CBL: variants seen among roughly 807,000 people sequenced by gnomAD.
The protein encoded by CBL is Cbl proto-oncogene, also known as E3 ubiquitin-protein ligase CBL.
In CBL, 45 loss-of-function variants were observed where a neutral mutation model predicts 96.9. The observed-to-expected ratio is 0.46, with a 90% CI of 0.37 to 0.60. The LOEUF (loss-of-function observed/expected upper bound fraction) is 0.60, where lower values mean the gene tolerates loss of function less well. Ranked by LOEUF, CBL falls within the 20% of genes least tolerant of loss-of-function variation. The pLI, the probability that CBL is intolerant of heterozygous loss-of-function variation, is 0.00. For missense variants in CBL, 1,024 were observed against 1,143.5 expected, an observed-to-expected ratio of 0.90 and a Z score of 1.51; for synonymous variants, 420 against 426.8, an observed-to-expected ratio of 0.98 and a Z score of 0.20.
In CBL at chr11:119,304,366, C is replaced by T. The variant is rs1289375864; in HGVS notation, c.*4585C>T. The T allele has an allele frequency of 8.6e-6, 2 of 232,988 alleles. No homozygotes were observed. The highest frequency in any genetic ancestry group is 1.7e-5 in the Non-Finnish European group (2 of 118,036). The allele number at this position is 232,988 out of a possible 1,614,324, so 14.4% of individuals were successfully genotyped here. Reference sequence around the variant, plus strand: ...TGACTGCTTAGGGATTCTTTGGATCCAAGAAACAGAAATGTTCAAGCGGAA... The same window carrying T: ...TGACTGCTTAGGGATTCTTTGGATCTAAGAAACAGAAATGTTCAAGCGGAA... On this transcript the variant is annotated 3_prime_UTR_variant, in exon 16 of 16. Transcript: ENST00000264033.
At position 119,206,385 on chromosome 11, in the gene CBL, C is replaced by T. The variant is rs1342058389; in HGVS notation, c.-33C>T. 10 of 1,465,904 alleles carry T rather than the reference C, an allele frequency of 6.8e-6. No homozygotes were observed. Among genetic ancestry groups the T allele is most frequent in the South Asian group, 1.3e-5 (1 of 77,106 alleles). 90.8% of individuals were successfully genotyped at this position (1,465,904 alleles called of 1,614,324 possible). ...CTCGCTCGCAGTCGAGCCGAGCCGG[C>T]GGACCCGCCTGGGCTCCGACCCTGC... On this transcript the variant is annotated 5_prime_UTR_variant, in exon 1 of 16. Coordinates refer to ENST00000264033, the MANE Select transcript of CBL (RefSeq NM_005188.4).
At chr11:119,219,114 A>T (rs1949386834) in intron 1 of CBL, among the ~76,000 whole-genome samples, 1 of 152,148 alleles carries the variant, frequency 6.6e-6, no homozygotes, top group Non-Finnish European at 1.5e-5. Flanking sequence ...GTGGTGGCTT[A>T]CACCTGAAAT....
chr11:119,229,638 AACTT>A (rs1949486196), intron 1 of CBL, among the ~76,000 whole-genome samples: 1 of 152,202 alleles, frequency 6.6e-6, no homozygotes, highest in Non-Finnish European at 1.5e-5. Flanking sequence ...AAAAAACAAA[AACTT>A]AAGAAAACAA....
chr11:119,269,457 G>A (rs959240286), intron 2 of CBL, among the ~76,000 whole-genome samples: 2 of 151,730 alleles, frequency 1.3e-5, no homozygotes, highest in African/African-American at 2.4e-5. Context: ...CATCCGCCTC[G>A]ACCTCCGAAA....
At chr11:119,242,572 A>G (rs1426146692) in intron 2 of CBL, among the ~76,000 whole-genome samples, 2 of 148,772 alleles carry the variant, frequency 1.3e-5, no homozygotes, top group Non-Finnish European at 3.0e-5. Context: ...GCACGGCACC[A>G]TAGAGAGACC....
rs1950136825 is a variant in CBL at position 119,305,940 on chromosome 11, G to GGAA, written c.*6161_*6163dup. ...TAATCCAAAGATGTCCATCAAGGGA[G>GGAA]GAAGGGTGGGTCATCAGACTTTGCC... On this transcript the variant is annotated 3_prime_UTR_variant, in exon 16 of 16. Coordinates refer to ENST00000264033, the MANE Select transcript of CBL (RefSeq NM_005188.4). 1 of 276,640 alleles carries GGAA rather than the reference G, an allele frequency of 3.6e-6. No homozygotes were observed. Among genetic ancestry groups the GGAA allele is most frequent in the Non-Finnish European group, 6.8e-6 (1 of 147,780 alleles). The allele number at this position is 276,640 out of a possible 1,614,324, so 17.1% of individuals were successfully genotyped here.
chr11:119,269,705 G>A (rs1254711353), intron 2 of CBL, among the ~76,000 whole-genome samples: 1 of 151,984 alleles, frequency 6.6e-6, no homozygotes, highest in Non-Finnish European at 1.5e-5. Flanking sequence ...AAATTTTATA[G>A]TACATTTATG....
chr11:119,239,770 G>A (rs990347518), intron 2 of CBL, among the ~76,000 whole-genome samples: 6 of 151,108 alleles, frequency 4.0e-5, no homozygotes, highest in Non-Finnish European at 8.9e-5. Flanking sequence ...TTGTTTTTCA[G>A]TTTTTGGTTG....
chr11:119,262,912 C>T (rs1334692354), intron 2 of CBL, among the ~76,000 whole-genome samples: 2 of 152,162 alleles, frequency 1.3e-5, no homozygotes, highest in African/African-American at 2.4e-5. Context: ...TGTGTCATAA[C>T]CAAAGAGCCC....
chr11:119,207,110 C>G (rs182862933), intron 1 of CBL, among the ~76,000 whole-genome samples: 1 of 152,060 alleles, frequency 6.6e-6, no homozygotes, highest in Admixed American at 6.6e-5. Flanking sequence ...CAGGACAGCT[C>G]TCAGGGAAGC....
intron 9 of CBL, among the ~76,000 whole-genome samples, chr11:119,281,559 A>G (rs898226984): frequency 3.4e-5 from 5 of 149,052 alleles, no homozygotes; most frequent in Non-Finnish European, 7.4e-5. Context: ...CAGTGGTGCA[A>G]TCTCGGCTCA....
In CBL at chr11:119,307,797, A is replaced by C. The variant is rs1400173706; in HGVS notation, c.*8016A>C. 1 of 214,564 alleles carries C rather than the reference A, an allele frequency of 4.7e-6. No homozygotes were observed. The highest frequency in any genetic ancestry group is 7.0e-5 in the East Asian group (1 of 14,280). 13.3% of individuals were successfully genotyped at this position (214,564 alleles called of 1,614,324 possible). ...AATGAAGAGTCCCAATTTGTATATCAGTGTTAAGAAGAAAACAAAACAAAC... is the reference window on the plus strand; with the variant it reads ...AATGAAGAGTCCCAATTTGTATATCCGTGTTAAGAAGAAAACAAAACAAAC... On this transcript the variant is annotated 3_prime_UTR_variant, in exon 16 of 16. Transcript: ENST00000264033.
intron 1 of CBL, among the ~76,000 whole-genome samples, chr11:119,213,210 T>A (rs1008580328): frequency 2.0e-5 from 3 of 152,156 alleles, no homozygotes; most frequent in African/African-American, 7.2e-5. Context: ...TAAAAGCACC[T>A]TAGGAAACTT....
At chr11:119,289,045 T>G (rs1950006010) in intron 12 of CBL, among the ~76,000 whole-genome samples, 1 of 152,238 alleles carries the variant, frequency 6.6e-6, no homozygotes, top group Non-Finnish European at 1.5e-5. Context: ...GTTATCCTTC[T>G]GTTACTGCTG....
chr11:119,245,149 G>T (rs1949616102), intron 2 of CBL, among the ~76,000 whole-genome samples: 1 of 150,132 alleles, frequency 6.7e-6, no homozygotes, highest in African/African-American at 2.4e-5. Flanking sequence ...TGGGATTACA[G>T]GTGTGAGCCA....
intron 1 of CBL, among the ~76,000 whole-genome samples, chr11:119,217,270 C>T (rs1391935787): frequency 6.6e-6 from 1 of 152,176 alleles, no homozygotes; most frequent in Non-Finnish European, 1.5e-5. Context: ...GCATGTACCA[C>T]AGGCCCGGCT....
chr11:119,246,050 C>G (rs1158234316), intron 2 of CBL, among the ~76,000 whole-genome samples: 1 of 138,664 alleles, frequency 7.2e-6, no homozygotes, highest in Non-Finnish European at 1.5e-5. Context: ...TCTCAGCTCA[C>G]TGCAGCCTCT....
chr11:119,279,492 T>A (rs4448700), intron 9 of CBL, among the ~76,000 whole-genome samples: 35,083 of 148,054 alleles, frequency 0.24, 4,319 homozygotes, highest in East Asian at 0.38. Flanking sequence ...TGCCCCCCCC[T>A]AAAAAAAAAA....
intron 3 of CBL, among the ~76,000 whole-genome samples, chr11:119,272,526 A>G (rs1200953521): frequency 6.6e-6 from 1 of 152,210 alleles, no homozygotes; most frequent in Non-Finnish European, 1.5e-5. Context: ...TTACATACGC[A>G]GGAGTGGAAT....
Sources: allele counts gnomAD v4.1 joint callset (sites outside exome capture counted in the v4.1 genomes callset), GRCh38; gene constraint gnomAD v4.1.1; transcripts MANE v1.5; gene names NCBI Gene and HGNC (gene_info 2026-07-23, HGNC 2026-07-21).